LRRC28: variants seen among roughly 807,000 people sequenced by gnomAD.
The protein encoded by LRRC28 is leucine rich repeat containing 28.
A neutral mutation model predicts 45.7 loss-of-function variants in LRRC28; 39 were observed. The observed-to-expected ratio is 0.85, with a 90% CI of 0.66 to 1.12. The LOEUF (loss-of-function observed/expected upper bound fraction) is 1.12. Ranked by LOEUF, LRRC28 falls within the 50% of genes most tolerant of loss-of-function variation. The probability of loss-of-function intolerance (pLI) is 0.00; values close to 1 mark genes in which losing one functional copy is unlikely to be tolerated. For synonymous variants in LRRC28, 206 were observed against 178.8 expected, an observed-to-expected ratio of 1.15 and a Z score of -1.22; for missense variants, 435 against 438.5, an observed-to-expected ratio of 0.99 and a Z score of 0.07.
At chr15:99,279,220 AG>A (rs2081710012) in intron 3 of LRRC28, among the ~76,000 whole-genome samples, 1 of 152,230 alleles carries the variant, frequency 6.6e-6, no homozygotes, top group South Asian at 2.1e-4. Context: ...ATGTTGTAGC[AG>A]GTATCAGAAT....
intron 5 of LRRC28, among the ~76,000 whole-genome samples, chr15:99,289,463 G>A (rs1463193190): frequency 6.6e-6 from 1 of 152,110 alleles, no homozygotes; most frequent in African/African-American, 2.4e-5. Flanking sequence ...ACCTGTCATA[G>A]AACTTCAGGG....
At chr15:99,275,565 A>T (rs979122776) in intron 2 of LRRC28, among the ~76,000 whole-genome samples, 4 of 152,220 alleles carry the variant, frequency 2.6e-5, no homozygotes, top group Non-Finnish European at 4.4e-5. Flanking sequence ...GTGACAAATT[A>T]TCAAAAACTG....
chr15:99,252,683 A>G (rs980085434), intron 1 of LRRC28, among the ~76,000 whole-genome samples: 1 of 152,230 alleles, frequency 6.6e-6, no homozygotes, highest in Non-Finnish European at 1.5e-5. Flanking sequence ...TATAGGCTCT[A>G]TCCGTGGTCT....
At chr15:99,340,394 T>G (rs1956468985) in intron 6 of LRRC28, among the ~76,000 whole-genome samples, 1 of 152,256 alleles carries the variant, frequency 6.6e-6, no homozygotes. Context: ...TGTTCCTACT[T>G]TCTCTGTATT....
intron 2 of LRRC28, among the ~76,000 whole-genome samples, chr15:99,269,061 G>A (rs1431933095): frequency 6.6e-6 from 1 of 151,788 alleles, no homozygotes; most frequent in African/African-American, 2.4e-5. Context: ...TTTTGTAAAT[G>A]TACTGGATGT....
chr15:99,285,366 T>C, intron 3 of LRRC28: 3 of 743,116 alleles, frequency 4.0e-6, no homozygotes, highest in Non-Finnish European at 7.4e-6. Context: ...TTTGCATTCA[T>C]GGCTGCATCC....
intron 3 of LRRC28, among the ~76,000 whole-genome samples, chr15:99,283,266 G>C (rs896476843): frequency 6.6e-6 from 1 of 151,622 alleles, no homozygotes; most frequent in African/African-American, 2.4e-5. Flanking sequence ...AACATAGTAT[G>C]GGTCATACTG....
chr15:99,336,638 C>T (rs183823740), intron 6 of LRRC28, among the ~76,000 whole-genome samples: 2 of 152,194 alleles, frequency 1.3e-5, no homozygotes, highest in Non-Finnish European at 2.9e-5. Flanking sequence ...CACCTACCCA[C>T]TCCGTACGCC....
chr15:99,269,075 G>T (rs2081405499), intron 2 of LRRC28, among the ~76,000 whole-genome samples: 1 of 151,786 alleles, frequency 6.6e-6, no homozygotes, highest in Non-Finnish European at 1.5e-5. Context: ...TGGATGTATA[G>T]TTTTTTTTAT....
Position 99,363,230 on chromosome 15 carries a change from C to G in LRRC28, c.996C>G (p.Pro332=). ...MFTIVYPKLF[P]LRETPMAGLH... is the part of the protein sequence containing the mutation. Reference sequence around the variant, plus strand: ...CCATCGTCTACCCCAAGCTCTTTCCCTTGAGAGAGACGCCAATGGCAGGGC... The same window carrying G: ...CCATCGTCTACCCCAAGCTCTTTCCGTTGAGAGAGACGCCAATGGCAGGGC... The change falls in exon 9 of 10, where the codon CCC becomes CCG. Residue 332 remains proline, a synonymous_variant. Coordinates refer to ENST00000301981, the MANE Select transcript of LRRC28 (RefSeq NM_144598.5). The G allele has an allele frequency of 6.2e-7, 1 of 1,614,028 alleles. No homozygotes were observed. Among genetic ancestry groups the G allele is most frequent in the Non-Finnish European group, 8.5e-7 (1 of 1,179,904 alleles).
intron 9 of LRRC28, among the ~76,000 whole-genome samples, chr15:99,363,808 A>G (rs945311855): frequency 2.6e-5 from 4 of 152,326 alleles, no homozygotes; most frequent in African/African-American, 4.8e-5. Flanking sequence ...TAAAACCCCA[A>G]TAGTTCTACT....
chr15:99,317,123 A>G (rs1426869350), intron 5 of LRRC28, among the ~76,000 whole-genome samples: 1 of 152,102 alleles, frequency 6.6e-6, no homozygotes, highest in Non-Finnish European at 1.5e-5. Context: ...GTATTAGACT[A>G]GGATTTAGCA....
At chr15:99,296,874 A>G (rs2082277343) in intron 5 of LRRC28, among the ~76,000 whole-genome samples, 1 of 152,160 alleles carries the variant, frequency 6.6e-6, no homozygotes, top group Non-Finnish European at 1.5e-5. Context: ...AGAAGGAAGT[A>G]TTGAGTGTGT....
intron 5 of LRRC28, among the ~76,000 whole-genome samples, chr15:99,298,813 A>C (rs1187870934): frequency 6.6e-6 from 1 of 152,032 alleles, no homozygotes; most frequent in Non-Finnish European, 1.5e-5. Flanking sequence ...GGTTGAAGCG[A>C]TTCTCCTGCC....
At chr15:99,257,718 A>T in intron 2 of LRRC28, 3 of 773,936 alleles carry the variant, frequency 3.9e-6, no homozygotes, top group Non-Finnish European at 7.2e-6. Flanking sequence ...TGTGGAAGGT[A>T]CAGTAGAAGA....
In LRRC28 at chr15:99,354,296, C is replaced by A. The variant is rs944276272; in HGVS notation, c.695+1825C>A. 2.0e-5 allele frequency among the ~76,000 whole-genome samples: 3 copies of A among 152,312 alleles called. No homozygotes were observed. In the East Asian group the frequency reaches 5.8e-4, roughly 29 times the overall value. On this transcript the variant is annotated intron_variant, in intron 7 of 9. Coordinates refer to ENST00000301981, the MANE Select transcript of LRRC28 (RefSeq NM_144598.5). ...TATACTTACAATAATACTTCTATGG[C>A]AAAATGTGCTCAGAATTTTAATAGA...
intron 2 of LRRC28, among the ~76,000 whole-genome samples, chr15:99,272,423 A>G (rs944515529): frequency 1.3e-5 from 2 of 152,234 alleles, no homozygotes; most frequent in African/African-American, 4.8e-5. Flanking sequence ...GCTTGATGAA[A>G]GATGTGCAGT....
At chr15:99,313,111 C>G (rs777242267) in intron 5 of LRRC28, among the ~76,000 whole-genome samples, 2 of 152,018 alleles carry the variant, frequency 1.3e-5, no homozygotes, top group Non-Finnish European at 2.9e-5. Context: ...ACCTTGCAAA[C>G]AGGAAATAAT....
At chr15:99,308,214 G>C (rs1291292680) in intron 5 of LRRC28, among the ~76,000 whole-genome samples, 1 of 152,194 alleles carries the variant, frequency 6.6e-6, no homozygotes, top group Non-Finnish European at 1.5e-5. Context: ...GGCTCTGAGA[G>C]ATTATGAATC....
Sources: gnomAD v4.1 joint callset for allele counts (sites outside exome capture counted in the v4.1 genomes callset) on GRCh38, gnomAD v4.1.1 for gene constraint, MANE v1.5 for transcripts, NCBI Gene and HGNC (gene_info 2026-07-23, HGNC 2026-07-21) for gene names.